RGS14: variants seen among roughly 807,000 people sequenced by gnomAD.
The protein encoded by RGS14 is regulator of G-protein signaling 14.
RGS14 carries 33 observed loss-of-function variants against 63.8 expected under a neutral mutation model. The ratio of observed to expected loss-of-function variants is 0.52; its 90% CI spans 0.39 to 0.69. The LOEUF is 0.69. Ranked by LOEUF, RGS14 falls within the 30% of genes least tolerant of loss-of-function variation. RGS14 has a pLI of 0.00. For synonymous variants in RGS14, 296 were observed against 320.9 expected (o/e 0.92, Z 0.83); for missense variants, 739 against 742.9 (o/e 0.99, Z 0.06).
rs1391023804 is a variant in RGS14 at position 177,368,187 on chromosome 5, G to A, written c.770G>A (p.Arg257His). 1.9e-6 allele frequency: 3 copies of A among 1,613,676 alleles called. No individual in the cohort carries two copies. Among genetic ancestry groups the A allele is most frequent in the African/African-American group, 1.3e-5 (1 of 74,940 alleles). ...GGCGGGACTGCAAACGCCGCCTTGC[G>A]CCGAGAGTCTCAGGGCTCCCTCAAC... ...ELGGTANAALRRESQGSLNSS... is the reference protein window; with the variant it reads ...ELGGTANAALHRESQGSLNSS... The change falls in exon 8 of 15, where the codon CGC becomes CAC. Residue 257 changes from arginine (R) to histidine (H), a missense_variant. Coordinates refer to ENST00000408923, the MANE Select transcript of RGS14 (RefSeq NM_006480.5).
rs1188798057 is a variant in RGS14 at position 177,357,983 on chromosome 5, G to T, written c.-42G>T. On this transcript the variant is annotated 5_prime_UTR_variant, in exon 1 of 15. An upstream start codon of the reference 5' UTR is lost. Transcript: ENST00000408923. ...GGCCGGCGCTGCCCACAGTCCCCATGGTGGGCAGCCCCCGCGGCGGGGACC... is the reference window on the plus strand; with the variant it reads ...GGCCGGCGCTGCCCACAGTCCCCATTGTGGGCAGCCCCCGCGGCGGGGACC... 8 of 1,331,098 alleles carry T rather than the reference G, an allele frequency of 6.0e-6. No homozygotes were observed. Among genetic ancestry groups the T allele is most frequent in the Non-Finnish European group, 9.7e-7 (1 of 1,032,964 alleles). 82.5% of individuals were successfully genotyped at this position (1,331,098 alleles called of 1,614,324 possible).
Position 177,371,141 on chromosome 5 carries a change from C to A in RGS14, c.1255-24C>A. 6.3e-7 allele frequency: 1 copy of A among 1,599,468 alleles called. No homozygotes were observed. The highest frequency in any genetic ancestry group is 8.5e-7 in the Non-Finnish European group (1 of 1,174,682). ...CGGGGCCGGGCGGAGGCCTGTACCGCGGGCTGCTGACCTCTCCCCACAGCC... is the reference window on the plus strand; with the variant it reads ...CGGGGCCGGGCGGAGGCCTGTACCGAGGGCTGCTGACCTCTCCCCACAGCC... On this transcript the variant is annotated intron_variant, in intron 11 of 14. Coordinates refer to ENST00000408923, the MANE Select transcript of RGS14 (RefSeq NM_006480.5). This position sits in a 1 kb window ranked among gnomAD's most constrained non-coding sequence, Gnocchi z 6.1.
intron 2 of RGS14, 83 bp from the exon 3 acceptor site, chr5:177,366,094 A>T: frequency 6.5e-7 from 1 of 1,527,958 alleles, no homozygotes; most frequent in Non-Finnish European, 9.0e-7. Context: ...ATGGCTGCAG[A>T]GTGGATGCAT....
intron 8 of RGS14, among the ~76,000 whole-genome samples, chr5:177,368,470 G>A (rs1440216339): frequency 1.3e-5 from 2 of 152,256 alleles, no homozygotes; most frequent in Non-Finnish European, 2.9e-5. Context: ...GTTGGCAAAT[G>A]TGTGCACATG....
rs1174089369 is a variant in RGS14, at chr5:177,371,027, A to C, written c.1250A>C (p.His417Pro). 2 of 1,523,604 alleles carry C rather than the reference A, an allele frequency of 1.3e-6. No individual in the cohort carries two copies. The highest frequency in any genetic ancestry group is 1.7e-5 in the African/African-American group (1 of 58,968). The allele number at this position is 1,523,604 out of a possible 1,614,324, so 94.4% of individuals were successfully genotyped here. A position where few individuals can be genotyped will look rare whatever the true frequency, so the allele number is the denominator to read the frequency against. ...TTGAGCCCGCTAGAGGTGGTGCTGC[A>C]CCGGGTGAGCTTCCGGGCCGCGGGG... is the stretch of plus-strand genomic sequence containing the variant. ...HGLSPLEVVL[H>P]RPGEKQPLDL... Residue 417 changes from histidine to proline, a missense_variant, in exon 11 of 15, where the codon CAC becomes CCC. Coordinates refer to ENST00000408923, the MANE Select transcript of RGS14 (RefSeq NM_006480.5). This position sits in a 1 kb window ranked among gnomAD's most constrained non-coding sequence, Gnocchi z 6.1.
rs1355291648 is a variant in RGS14, at chr5:177,364,266, T to C, written c.46-1697T>C. On this transcript the variant is annotated intron_variant, in intron 1 of 14. Coordinates refer to ENST00000408923, the MANE Select transcript of RGS14 (RefSeq NM_006480.5). This position sits in a 1 kb window ranked among gnomAD's most constrained non-coding sequence, Gnocchi z 4.6. ...AAGGGGCTGGTGGTAGGAACTTCTG[T>C]GACAGGGCATGGTGAAAGTGTAGGA... is the stretch of plus-strand genomic sequence containing the variant. 1.3e-5 allele frequency among the ~76,000 whole-genome samples: 2 copies of C among 151,984 alleles called. No homozygotes were observed. The highest frequency in any genetic ancestry group is 3.9e-4 in the East Asian group (2 of 5,188).
intron 9 of RGS14, among the ~76,000 whole-genome samples, chr5:177,369,256 G>C (rs1042387478): frequency 3.3e-5 from 5 of 152,178 alleles, no homozygotes; most frequent in African/African-American, 1.2e-4. Context: ...TCCGTGGGGT[G>C]CCCTCACCTC....
intron 8 of RGS14, 102 bp from the exon 9 acceptor site, chr5:177,368,615 G>A (rs774423387): frequency 2.1e-5 from 24 of 1,167,494 alleles, no homozygotes; most frequent in African/African-American, 1.1e-4. Flanking sequence ...TTGGGAGTGC[G>A]TGTGCATGCT....
rs942725028 is a variant in RGS14, at chr5:177,359,049, T to C, written c.45+980T>C. ...TGAGATGATAGAGTGAAATAATGCATATGAGGCCTTTGACCCATTGTGGGG... is the reference window on the plus strand; with the variant it reads ...TGAGATGATAGAGTGAAATAATGCACATGAGGCCTTTGACCCATTGTGGGG... On this transcript the variant is annotated intron_variant, in intron 1 of 14. Transcript: ENST00000408923. This position sits in a 1 kb window ranked among gnomAD's most constrained non-coding sequence, Gnocchi z 4.4. Among the ~76,000 whole-genome samples the C allele has an allele frequency of 1.3e-5, 2 of 152,210 alleles. No homozygotes were observed. Among genetic ancestry groups the C allele is most frequent in the East Asian group, 3.8e-4 (2 of 5,196 alleles).
chr5:177,368,368 G>T (rs1309693403), intron 8 of RGS14, 102 bp downstream of exon 8: 4 of 1,256,236 alleles, frequency 3.2e-6, no homozygotes, highest in Non-Finnish European at 4.4e-6. Context: ...TCCTTACTGC[G>T]TCTCCCAGCT....
chr5:177,365,849 G>A (rs893451032), intron 1 of RGS14, 114 bp from the exon 2 acceptor site: 7 of 1,049,486 alleles, frequency 6.7e-6, no homozygotes, highest in African/African-American at 1.6e-5. Flanking sequence ...GAACCTGGCC[G>A]GGGATGCCCA....
chr5:177,359,716 G>C lies in RGS14; in HGVS notation c.45+1647G>C, dbSNP rs935370018. On this transcript the variant is annotated intron_variant, in intron 1 of 14. Coordinates refer to ENST00000408923, the MANE Select transcript of RGS14 (RefSeq NM_006480.5). The surrounding 1 kb of genome is among the most constrained non-coding windows in gnomAD (Gnocchi z 4.4). Reference sequence around the variant, plus strand: ...TCTGTGCCACCTCTTAGAATCCCGAGGGTCACAGATTGGCTGCCTGCTGGT... The same window carrying C: ...TCTGTGCCACCTCTTAGAATCCCGACGGTCACAGATTGGCTGCCTGCTGGT... 2.0e-5 allele frequency among the ~76,000 whole-genome samples: 3 copies of C among 152,254 alleles called. No individual in the cohort carries two copies. The highest frequency in any genetic ancestry group is 4.4e-5 in the Non-Finnish European group (3 of 68,044).
intron 3 of RGS14, 123 bp downstream of exon 3, chr5:177,366,478 T>C: frequency 2.2e-6 from 2 of 911,954 alleles, no homozygotes; most frequent in Non-Finnish European, 1.7e-6. Context: ...TGCAGCACCC[T>C]CTTCCTCTTC....
chr5:177,362,045 C>T (rs769189882), intron 1 of RGS14, among the ~76,000 whole-genome samples: 2 of 152,182 alleles, frequency 1.3e-5, no homozygotes, highest in Non-Finnish European at 2.9e-5. Context: ...CTGATTGTGG[C>T]ATGCCTGGTG....
At chr5:177,370,209 C>A (rs145302743) in intron 9 of RGS14, among the ~76,000 whole-genome samples, 81 of 152,290 alleles carry the variant, frequency 5.3e-4, no homozygotes, top group African/African-American at 1.7e-3. Flanking sequence ...CTGGTCTGGT[C>A]GGATTTCACA....
intron 1 of RGS14, among the ~76,000 whole-genome samples, chr5:177,363,747 A>T (rs1341605014): frequency 3.3e-5 from 5 of 152,202 alleles, no homozygotes; most frequent in African/African-American, 1.2e-4. Flanking sequence ...AAACTGAGGC[A>T]CAGAGAGGTT....
In RGS14 at chr5:177,359,926, A is replaced by T. The variant is rs965960537; in HGVS notation, c.45+1857A>T. Among the ~76,000 whole-genome samples, 70 of 152,316 alleles carry T rather than the reference A, an allele frequency of 4.6e-4. No individual in the cohort carries two copies. The highest frequency in any genetic ancestry group is 1.8e-3 in the Admixed American group (28 of 15,302). ...TGTGCCGAGGTCAGCCAGAGAGTAG[A>T]GCGTCAGCATCTGAACCCCCAGAAC... On this transcript the variant is annotated intron_variant, in intron 1 of 14. Coordinates refer to ENST00000408923, the MANE Select transcript of RGS14 (RefSeq NM_006480.5). The surrounding 1 kb of genome is among the most constrained non-coding windows in gnomAD (Gnocchi z 4.4).
Position 177,372,321 on chromosome 5 carries a change from G to C in RGS14, c.*246G>C. The C allele has an allele frequency of 1.9e-6, 1 of 529,174 alleles. No homozygotes were observed. Among genetic ancestry groups the C allele is most frequent in the Non-Finnish European group, 3.4e-6 (1 of 296,682 alleles). 32.8% of individuals were successfully genotyped at this position (529,174 alleles called of 1,614,324 possible). A position where few individuals can be genotyped will look rare whatever the true frequency, so the allele number is the denominator to read the frequency against. ...GCAGCCAGGCCACAATGGGGGAGGT[G>C]AGTCCAGCCCCTTGGAACAGGCTTG... On this transcript the variant is annotated 3_prime_UTR_variant, in exon 15 of 15. Coordinates refer to ENST00000408923, the MANE Select transcript of RGS14 (RefSeq NM_006480.5).
In RGS14 at chr5:177,364,328, C is replaced by T. The variant is rs1762042920; in HGVS notation, c.46-1635C>T. Among the ~76,000 whole-genome samples the T allele has an allele frequency of 6.6e-6, 1 of 152,078 alleles. No homozygotes were observed. The highest frequency in any genetic ancestry group is 6.5e-5 in the Admixed American group (1 of 15,268). ...AGTAGGAACTGGGGATGACTCAAGC[C>T]CTGATGTTGGAAGCCCGGGTGATGG... On this transcript the variant is annotated intron_variant, in intron 1 of 14. Transcript: ENST00000408923. This position sits in a 1 kb window ranked among gnomAD's most constrained non-coding sequence, Gnocchi z 4.6.
Sources: gnomAD v4.1 joint callset for allele counts (sites outside exome capture counted in the v4.1 genomes callset) on GRCh38, gnomAD v4.1.1 for gene constraint, Gnocchi (gnomAD v3.1) non-coding constraint, MANE v1.5 for transcripts, NCBI Gene and HGNC (gene_info 2026-07-23, HGNC 2026-07-21) for gene names.